The following CPB2 variants were observed in gnomAD, a reference collection of about 807,000 sequenced individuals.
CPB2 encodes carboxypeptidase B2.
A neutral mutation model predicts 57.0 loss-of-function variants in CPB2; 54 were observed. That is an observed-to-expected ratio of 0.95 (90% CI 0.76 to 1.19). The LOEUF (loss-of-function observed/expected upper bound fraction) is 1.19, where lower values mean the gene tolerates loss of function less well. Ranked by LOEUF, CPB2 falls within the 50% of genes most tolerant of loss-of-function variation. CPB2 has a pLI of 0.00. For synonymous variants in CPB2, 189 were observed against 178.1 expected, an observed-to-expected ratio of 1.06 and a Z score of -0.49; for missense variants, 426 against 512.0, an observed-to-expected ratio of 0.83 and a Z score of 1.62.
At chr13:46,068,647 C>T in intron 6 of CPB2, among the ~76,000 whole-genome samples, 2 of 152,096 alleles carry the variant, frequency 1.3e-5, no homozygotes, top group Non-Finnish European at 2.9e-5. Context: ...CACCCATCAA[C>T]CCGTCATCTA....
chr13:46,096,614 C>A (rs2139421715), intron 1 of CPB2: 1 of 152,132 alleles, frequency 6.6e-6, no homozygotes, highest in East Asian at 1.9e-4. Context: ...CCCATCTCTA[C>A]TAAAAATACA....
intron 1 of CPB2, among the ~76,000 whole-genome samples, chr13:46,088,356 A>C (rs1010780917): frequency 6.6e-6 from 1 of 152,202 alleles, no homozygotes; most frequent in African/African-American, 2.4e-5. Flanking sequence ...TGTATGTGTG[A>C]ATTCTGAAAC....
At chr13:46,065,817 T>G (rs907167213) in intron 7 of CPB2, among the ~76,000 whole-genome samples, 4 of 151,910 alleles carry the variant, frequency 2.6e-5, no homozygotes, top group Non-Finnish European at 5.9e-5. Context: ...ACTGTGGGAA[T>G]TAATAATAGG....
intron 1 of CPB2, among the ~76,000 whole-genome samples, chr13:46,095,379 G>C (rs899231421): frequency 6.6e-6 from 1 of 151,782 alleles, no homozygotes; most frequent in Admixed American, 6.6e-5. Flanking sequence ...CACCCTTAAA[G>C]ACCTAAAAGA....
At position 46,086,573 on chromosome 13, in the gene CPB2, AT is replaced by A. The variant is rs553157024; in HGVS notation, c.150+1171del. Among the ~76,000 whole-genome samples, 115 of 152,162 alleles carry A rather than the reference AT, an allele frequency of 7.6e-4. No individual in the cohort carries two copies. The Middle Eastern group carries it at 0.01, about 14-fold the overall frequency. On this transcript the variant is annotated intron_variant, in intron 2 of 10. Transcript: ENST00000181383. ...TTCAGATGGGAGGAAGTGAGTGCTG[AT>A]TGGTTCATGGGTGGCCATAGGCGGG...
intron 1 of CPB2, among the ~76,000 whole-genome samples, chr13:46,092,986 C>T (rs998362992): frequency 6.6e-6 from 1 of 152,158 alleles, no homozygotes; most frequent in Non-Finnish European, 1.5e-5. Context: ...GATCTTGGCT[C>T]ACTGCAACCT....
At chr13:46,069,618 C>T (rs2044908233) in intron 6 of CPB2, among the ~76,000 whole-genome samples, 2 of 152,128 alleles carry the variant, frequency 1.3e-5, no homozygotes, top group African/African-American at 2.4e-5. Flanking sequence ...TATCTGGTTT[C>T]TTTTACTTAG....
chr13:46,095,758 C>T (rs964407872), intron 1 of CPB2, among the ~76,000 whole-genome samples: 1 of 151,946 alleles, frequency 6.6e-6, no homozygotes, highest in African/African-American at 2.4e-5. Flanking sequence ...TGTGTTAGTG[C>T]TAATACCACA....
intron 6 of CPB2, chr13:46,073,335 T>A: frequency 4.5e-6 from 1 of 223,332 alleles, no homozygotes; most frequent in Non-Finnish European, 7.5e-6. Flanking sequence ...TCGTTATATC[T>A]TTTACTTTTC....
intron 6 of CPB2, among the ~76,000 whole-genome samples, chr13:46,067,862 A>G (rs777769807): frequency 1.3e-5 from 2 of 152,202 alleles, no homozygotes; most frequent in Non-Finnish European, 2.9e-5. Context: ...GTGGAGCTCA[A>G]GTTTTGCTAG....
intron 1 of CPB2, among the ~76,000 whole-genome samples, chr13:46,093,204 C>T (rs768534160): frequency 5.9e-5 from 9 of 152,188 alleles, no homozygotes; most frequent in African/African-American, 2.2e-4. Flanking sequence ...TGAGCCACCG[C>T]GCCCACCAAG....
At chr13:46,100,774 G>A (rs1952187) in intron 1 of CPB2, 53,021 of 151,988 alleles carry the variant, frequency 0.35, 9,404 homozygotes, top group Middle Eastern at 0.38. Context: ...AGGGATGGAA[G>A]GTTCTCAACA....
At position 46,073,901 on chromosome 13, in the gene CPB2, G is replaced by C. The variant is rs1477308441; in HGVS notation, c.563C>G (p.Pro188Arg). 7 of 1,585,404 alleles carry C rather than the reference G, an allele frequency of 4.4e-6. No homozygotes were observed. Among genetic ancestry groups the C allele is most frequent in the Non-Finnish European group, 6.0e-6 (7 of 1,157,978 alleles). Residue 188 changes from proline (P) to arginine (R), a missense_variant, in exon 6 of 11, where the codon CCT (proline) becomes CGT (arginine). Coordinates refer to ENST00000181383, the MANE Select transcript of CPB2 (RefSeq NM_001872.5). ...GCCTATGAACCACAAGCAGAAAGCA[G>C]GAGAGATCCATTCTCTGGCATGGAT... ...CGIHAREWIS[P>R]AFCLWFIGHI...
intron 1 of CPB2, among the ~76,000 whole-genome samples, chr13:46,088,116 T>C (rs560067759): frequency 3.9e-5 from 6 of 152,346 alleles, no homozygotes; most frequent in African/African-American, 1.4e-4. Flanking sequence ...AATTAAATAT[T>C]TGATGCATAA....
intron 1 of CPB2, among the ~76,000 whole-genome samples, chr13:46,091,003 C>T (rs575579839): frequency 2.6e-5 from 4 of 152,240 alleles, no homozygotes; most frequent in African/African-American, 4.8e-5. Context: ...GGATTACAGG[C>T]GTGAGCCACC....
intron 6 of CPB2, among the ~76,000 whole-genome samples, chr13:46,068,635 T>G (rs1389374524): frequency 6.6e-6 from 1 of 152,162 alleles, no homozygotes; most frequent in Non-Finnish European, 1.5e-5. Flanking sequence ...GGTGGTTAGC[T>G]GCACCCATCA....
intron 5 of CPB2, among the ~76,000 whole-genome samples, chr13:46,074,794 T>C (rs17844067): frequency 2.9e-3 from 434 of 152,222 alleles, no homozygotes; most frequent in Non-Finnish European, 5.2e-3. Context: ...GGGGATGGTT[T>C]GGGGATAAAA....
chr13:46,066,085 T>C (rs1417991965), intron 7 of CPB2, among the ~76,000 whole-genome samples: 1 of 152,228 alleles, frequency 6.6e-6, no homozygotes, highest in East Asian at 1.9e-4. Context: ...TCCTGTGCCA[T>C]TTCCATATCT....
At chr13:46,104,247 GA>G (rs946350093) in intron 1 of CPB2, among the ~76,000 whole-genome samples, 2 of 152,086 alleles carry the variant, frequency 1.3e-5, no homozygotes, top group Admixed American at 1.3e-4. Context: ...AAACAAAGGG[GA>G]AAAAATAAGA....
Sources: gnomAD v4.1 joint callset for allele counts (sites outside exome capture counted in the v4.1 genomes callset) on GRCh38, gnomAD v4.1.1 for gene constraint, MANE v1.5 for transcripts, NCBI Gene and HGNC (gene_info 2026-07-23, HGNC 2026-07-21) for gene names.